Variants in GABRR2 observed in about 807,000 individuals in gnomAD.
GABRR2 encodes gamma-aminobutyric acid type A receptor subunit rho2, also known as gamma-aminobutyric acid receptor subunit rho-2.
A neutral mutation model predicts 47.0 loss-of-function variants in GABRR2; 36 were observed. The ratio of observed to expected loss-of-function variants is 0.77; its 90% confidence interval spans 0.59 to 1.01. The LOEUF (loss-of-function observed/expected upper bound fraction) is 1.01, where lower values mean the gene tolerates loss of function less well. GABRR2 is among the 50% of genes least tolerant of loss of function. GABRR2 has a pLI of 0.00. For missense variants in GABRR2, 587 were observed against 594.6 expected, an observed-to-expected ratio of 0.99 and a Z score of 0.13; for synonymous variants, 204 against 227.5, an observed-to-expected ratio of 0.90 and a Z score of 0.93.
intron 2 of GABRR2, among the ~76,000 whole-genome samples, chr6:89,295,030 C>G (rs1043198158): frequency 2.6e-5 from 4 of 152,042 alleles, no homozygotes; most frequent in Non-Finnish European, 4.4e-5. Flanking sequence ...TTTCTTAATC[C>G]AGTCTATCAT....
chr6:89,259,349 A>G (rs1039630369), intron 8 of GABRR2, among the ~76,000 whole-genome samples: 1 of 152,220 alleles, frequency 6.6e-6, no homozygotes, highest in Admixed American at 6.5e-5. Context: ...GCAGAAATAG[A>G]TGAATGATTT....
intron 8 of GABRR2, among the ~76,000 whole-genome samples, chr6:89,263,993 CAGGG>C (rs1236099110): frequency 6.6e-6 from 1 of 152,142 alleles, no homozygotes; most frequent in East Asian, 1.9e-4. Context: ...GGTCATAAGA[CAGGG>C]AGGCACTGTC....
intron 1 of GABRR2, chr6:89,301,878 C>T (rs1246688832): frequency 8.7e-7 from 1 of 1,147,014 alleles, no homozygotes; most frequent in Non-Finnish European, 1.3e-6. Context: ...GCATAGACCC[C>T]AGCGGCAACT....
At position 89,284,352 on chromosome 6, in the gene GABRR2, A is replaced by G. The variant is rs114282837; in HGVS notation, c.221-12630T>C. 6.5e-3 allele frequency among the ~76,000 whole-genome samples: 997 copies of G among 152,320 alleles called. 13 individuals are homozygous for G. The highest frequency in any genetic ancestry group is 0.022 in the African/African-American group (933 of 41,572). ...AGGCAGAATAATGCCCCAGAGATTT[A>G]TACATCCTCACCTCCAGAACCTGGG... On this transcript the variant is annotated intron_variant, in intron 2 of 8. Transcript: ENST00000402938.
intron 2 of GABRR2, among the ~76,000 whole-genome samples, chr6:89,276,577 A>G (rs1376614904): frequency 6.6e-6 from 1 of 152,174 alleles, no homozygotes; most frequent in African/African-American, 2.4e-5. Flanking sequence ...CCGTTGTAAG[A>G]TTTCCTTGGA....
At chr6:89,268,887 A>G in intron 4 of GABRR2, 124 bp downstream of exon 4, 1 of 766,082 alleles carries the variant, frequency 1.3e-6, no homozygotes, top group South Asian at 1.7e-5. Flanking sequence ...GACTAGCATC[A>G]GAAGGCTCCT....
chr6:89,295,016 A>G (rs943456727), intron 2 of GABRR2, among the ~76,000 whole-genome samples: 10 of 152,114 alleles, frequency 6.6e-5, no homozygotes, highest in African/African-American at 2.4e-4. Context: ...TATATGTGCC[A>G]CATTTTCTTA....
intron 2 of GABRR2, among the ~76,000 whole-genome samples, chr6:89,292,252 G>A (rs2127844207): frequency 6.7e-6 from 1 of 150,320 alleles, no homozygotes; most frequent in South Asian, 2.1e-4. Context: ...TCCCATCTAT[G>A]CAGTTTGAGT....
intron 2 of GABRR2, among the ~76,000 whole-genome samples, chr6:89,277,175 T>C (rs1774175522): frequency 6.6e-6 from 1 of 152,146 alleles, no homozygotes; most frequent in African/African-American, 2.4e-5. Flanking sequence ...CTCGTGATAG[T>C]AAGTGAGTTC....
chr6:89,299,739 T>A lies in GABRR2; in HGVS notation c.220+20A>T. Reference sequence around the variant, plus strand: ...CCTGGGGCCAACCTCCCACCTGGCATCAAGGAAGAACAGTCCTACCTCCGA... The same window carrying A: ...CCTGGGGCCAACCTCCCACCTGGCAACAAGGAAGAACAGTCCTACCTCCGA... On this transcript the variant is annotated intron_variant, in intron 2 of 8. Coordinates refer to ENST00000402938, the MANE Select transcript of GABRR2 (RefSeq NM_002043.5). 1 of 1,572,004 alleles carries A rather than the reference T, an allele frequency of 6.4e-7. No individual in the cohort carries two copies. Among genetic ancestry groups the A allele is most frequent in the Non-Finnish European group, 8.8e-7 (1 of 1,141,630 alleles).
intron 1 of GABRR2, among the ~76,000 whole-genome samples, chr6:89,308,578 T>C (rs1767614475): frequency 6.6e-6 from 1 of 152,198 alleles, no homozygotes; most frequent in Admixed American, 6.5e-5. Flanking sequence ...GATTCCCCTA[T>C]AAGCCAGGGC....
rs1324381858 is a variant in GABRR2 at position 89,257,187 on chromosome 6, G to A, written c.*483C>T. On this transcript the variant is annotated 3_prime_UTR_variant, in exon 9 of 9. Coordinates refer to ENST00000402938, the MANE Select transcript of GABRR2 (RefSeq NM_002043.5). The stretch of plus-strand genomic sequence containing the variant: ...ACAGGCCAAATCATTTCCTGTCTGG[G>A]ATCTCAGCTCTTTTCCCTTCTAGGT... 6.4e-6 allele frequency: 1 copy of A among 155,864 alleles called. No homozygotes were observed. Among genetic ancestry groups the A allele is most frequent in the African/African-American group, 2.4e-5 (1 of 41,442 alleles). 9.7% of individuals were successfully genotyped at this position (155,864 alleles called of 1,614,324 possible).
At chr6:89,258,881 T>TATGCATTCA (rs1773673351) in intron 8 of GABRR2, among the ~76,000 whole-genome samples, 2 of 146,760 alleles carry the variant, frequency 1.4e-5, no homozygotes, top group Admixed American at 1.3e-4. Flanking sequence ...GAAAATGTAT[T>TATGCATTCA]ATGCATTGAA....
At position 89,273,061 on chromosome 6, in the gene GABRR2, G is replaced by A. The variant is rs1354171940; in HGVS notation, c.221-1339C>T. Among the ~76,000 whole-genome samples, 3 of 152,304 alleles carry A rather than the reference G, an allele frequency of 2.0e-5. No individual in the cohort carries two copies. The East Asian group carries it at 5.8e-4, about 29-fold the overall frequency. Reference sequence around the variant, plus strand: ...AATGGAAGTATTTTATTCATTACTGGTGAGGTTGGGTGACTATTTTCTGTG... The same window carrying A: ...AATGGAAGTATTTTATTCATTACTGATGAGGTTGGGTGACTATTTTCTGTG... On this transcript the variant is annotated intron_variant, in intron 2 of 8. Coordinates refer to ENST00000402938, the MANE Select transcript of GABRR2 (RefSeq NM_002043.5).
At chr6:89,267,866 G>A in intron 5 of GABRR2, 47 bp from the exon 6 acceptor site, 1 of 1,602,536 alleles carries the variant, frequency 6.2e-7, no homozygotes, top group Non-Finnish European at 8.5e-7. Context: ...CGCTTCTGAT[G>A]CAGGGTGAAG....
Position 89,280,216 on chromosome 6 carries a change from AT to A in GABRR2, c.221-8495del, listed in dbSNP as rs1395135668. Among the ~76,000 whole-genome samples, 4 of 9,104 alleles carry A rather than the reference AT, an allele frequency of 4.4e-4. No homozygotes were observed. The South Asian group carries it at 0.018, about 40-fold the overall frequency. 6.0% of individuals were successfully genotyped at this position (9,104 alleles called of 152,430 possible). A position where few individuals can be genotyped will look rare whatever the true frequency, so the allele number is the denominator to read the frequency against. Reference sequence around the variant, plus strand: ...AGAGACTTAGTCTAAAAACAAATATATATATATATATATATATATATATATA... The same window carrying A: ...AGAGACTTAGTCTAAAAACAAATATAATATATATATATATATATATATATA... On this transcript the variant is annotated intron_variant, in intron 2 of 8. Coordinates refer to ENST00000402938, the MANE Select transcript of GABRR2 (RefSeq NM_002043.5).
intron 2 of GABRR2, among the ~76,000 whole-genome samples, chr6:89,291,160 C>G (rs1774433791): frequency 6.6e-6 from 1 of 152,102 alleles, no homozygotes; most frequent in South Asian, 2.1e-4. Context: ...TGTGGGATAC[C>G]AAGACCTGGC....
chr6:89,291,201 C>T (rs1774434335), intron 2 of GABRR2, among the ~76,000 whole-genome samples: 1 of 152,094 alleles, frequency 6.6e-6, no homozygotes, highest in Admixed American at 6.6e-5. Flanking sequence ...TCTCAGGTCC[C>T]TCCATTTCTT....
intron 2 of GABRR2, among the ~76,000 whole-genome samples, chr6:89,294,804 C>A (rs1185176437): frequency 8.1e-6 from 1 of 123,606 alleles, no homozygotes; most frequent in Non-Finnish European, 1.6e-5. Flanking sequence ...CCCCACCCCA[C>A]AACAGGCCCT....
Sources: gnomAD v4.1 joint callset for allele counts (sites outside exome capture counted in the v4.1 genomes callset) on GRCh38, gnomAD v4.1.1 for gene constraint, MANE v1.5 for transcripts, NCBI Gene and HGNC (gene_info 2026-07-23, HGNC 2026-07-21) for gene names.